WDR53: variants seen among roughly 807,000 people sequenced by gnomAD.
The protein encoded by WDR53 is WD repeat-containing protein 53.
Under a neutral mutation model 21.3 loss-of-function variants are expected in WDR53, and 19 were observed. The observed-to-expected ratio is 0.89, with a 90% CI of 0.62 to 1.31. WDR53 has a LOEUF of 1.31. Ranked by LOEUF, WDR53 falls within the 50% of genes most tolerant of loss-of-function variation. The pLI is 0.00. For missense variants in WDR53, 374 were observed against 423.2 expected, an observed-to-expected ratio of 0.88 and a Z score of 1.02; for synonymous variants, 157 against 163.4, an observed-to-expected ratio of 0.96 and a Z score of 0.30.
At chr3:196,561,668 T>C (rs1454412787) in intron 2 of WDR53, among the ~76,000 whole-genome samples, 177 bp from the exon 3 acceptor site, 1 of 151,856 alleles carries the variant, frequency 6.6e-6, no homozygotes, top group Non-Finnish European at 1.5e-5. Flanking sequence ...AAAGCCTAGC[T>C]GAACACAGGG....
chr3:196,561,250 T>C lies in WDR53; in HGVS notation c.226A>G (p.Ser76Gly). Reference protein sequence around the residue: ...KLYASHGETISVLDVRSLKDS... With the variant: ...KLYASHGETIGVLDVRSLKDS... ...TTGAGGGACCTGACATCCAGTACAC[T>C]AATGGTTTCTCCATGTGAGGCATAG... The change falls in exon 3 of 4, where the codon AGT becomes GGT. Residue 76 changes from serine to glycine, a missense_variant. Coordinates refer to ENST00000332629, the MANE Select transcript of WDR53 (RefSeq NM_182627.3). The C allele has an allele frequency of 6.2e-7, 1 of 1,614,232 alleles. No individual in the cohort carries two copies. Among genetic ancestry groups the C allele is most frequent in the East Asian group, 2.2e-5 (1 of 44,890 alleles).
At chr3:196,559,467 T>C (rs961533691) in intron 3 of WDR53, among the ~76,000 whole-genome samples, 3 of 152,204 alleles carry the variant, frequency 2.0e-5, no homozygotes. Flanking sequence ...TGAATACTGG[T>C]AGCTTGCAGG....
At position 196,554,445 on chromosome 3, in the gene WDR53, G is replaced by A; in HGVS notation, c.843C>T (p.Pro281=). The change falls in exon 4 of 4, where the codon CCC becomes CCT. Residue 281 remains proline, a synonymous_variant. Coordinates refer to ENST00000332629, the MANE Select transcript of WDR53 (RefSeq NM_182627.3). The part of the protein sequence containing the change: ...NSEVEKKQKS[P]TKRTHRKKPK... ...GTTTCTTCCTGTGGGTACGTTTTGTGGGACTCTTCTGTTTTTTCTCAACTT... is the reference window on the plus strand; with the variant it reads ...GTTTCTTCCTGTGGGTACGTTTTGTAGGACTCTTCTGTTTTTTCTCAACTT... 6.2e-7 allele frequency: 1 copy of A among 1,614,080 alleles called. No individual in the cohort carries two copies. Among genetic ancestry groups the A allele is most frequent in the South Asian group, 1.1e-5 (1 of 91,082 alleles).
chr3:196,557,588 T>C (rs1278032038), intron 3 of WDR53, among the ~76,000 whole-genome samples: 1 of 152,180 alleles, frequency 6.6e-6, no homozygotes, highest in Non-Finnish European at 1.5e-5. Context: ...CTGTAAGTGT[T>C]GGGATTTTGG....
Position 196,567,007 on chromosome 3 carries a change from T to TAA in WDR53, c.-149_-148dup. On this transcript the variant is annotated 5_prime_UTR_variant, in exon 2 of 4. An upstream open reading frame in the 5' UTR loses its in-frame stop. Coordinates refer to ENST00000332629, the MANE Select transcript of WDR53 (RefSeq NM_182627.3). ...CTGCCTCGGCTGCACTGAGACACGA[T>TAA]AAAGGCCAGTCTTTAAAAACTGAGT... is the stretch of plus-strand genomic sequence containing the variant. 1.2e-5 allele frequency: 4 copies of TAA among 335,596 alleles called. No individual in the cohort carries two copies. The highest frequency in any genetic ancestry group is 9.2e-5 in the South Asian group (4 of 43,386). 20.8% of individuals were successfully genotyped at this position (335,596 alleles called of 1,614,324 possible).
At chr3:196,557,097 G>A (rs1165614606) in intron 3 of WDR53, among the ~76,000 whole-genome samples, 2 of 152,208 alleles carry the variant, frequency 1.3e-5, no homozygotes, top group African/African-American at 4.8e-5. Flanking sequence ...AAGAGTTTGG[G>A]GCTTATGGTT....
intron 3 of WDR53, among the ~76,000 whole-genome samples, chr3:196,560,039 G>A (rs1001148739): frequency 3.3e-5 from 5 of 152,120 alleles, no homozygotes; most frequent in African/African-American, 7.2e-5. Context: ...CCATGGGAAC[G>A]TTCAAGCTAT....
At chr3:196,559,958 C>G (rs1734668862) in intron 3 of WDR53, among the ~76,000 whole-genome samples, 1 of 152,122 alleles carries the variant, frequency 6.6e-6, no homozygotes, top group Non-Finnish European at 1.5e-5. Context: ...GAACTAAGTG[C>G]TCAACAGACA....
chr3:196,564,299 A>G (rs1735159705), intron 2 of WDR53, among the ~76,000 whole-genome samples: 1 of 152,200 alleles, frequency 6.6e-6, no homozygotes, highest in African/African-American at 2.4e-5. Flanking sequence ...TTACCTCATG[A>G]TAAAGATGCT....
At chr3:196,559,428 A>G (rs1734619214) in intron 3 of WDR53, among the ~76,000 whole-genome samples, 1 of 152,182 alleles carries the variant, frequency 6.6e-6, no homozygotes, top group African/African-American at 2.4e-5. Flanking sequence ...CTATCCCAGC[A>G]CTGCAGGACA....
intron 2 of WDR53, among the ~76,000 whole-genome samples, chr3:196,562,176 C>T (rs1328614411): frequency 6.6e-6 from 1 of 152,196 alleles, no homozygotes; most frequent in African/African-American, 2.4e-5. Context: ...AGGAACTTGT[C>T]AGAAATGCAA....
intron 2 of WDR53, among the ~76,000 whole-genome samples, chr3:196,566,666 G>A (rs565115889): frequency 2.0e-5 from 3 of 152,146 alleles, no homozygotes; most frequent in Admixed American, 1.3e-4. Context: ...CGCCCGCTTC[G>A]GCCTCCCAAA....
At position 196,565,702 on chromosome 3, in the gene WDR53, T is replaced by C. The variant is rs11922462; in HGVS notation, c.-17+1175A>G. On this transcript the variant is annotated intron_variant, in intron 2 of 3. Transcript: ENST00000332629. ...CCTCCAAAATTGTTTACTTAGTCTA[T>C]AAAACTAAAATGATTTGTTATTATT... Among the ~76,000 whole-genome samples the C allele has an allele frequency of 8.3e-3, 1,259 of 152,312 alleles. 9 individuals are homozygous for C. The highest frequency in any genetic ancestry group is 0.028 in the African/African-American group (1,179 of 41,564).
chr3:196,556,062 T>A (rs1002676699), intron 3 of WDR53, among the ~76,000 whole-genome samples: 7 of 152,068 alleles, frequency 4.6e-5, no homozygotes, highest in Non-Finnish European at 2.9e-5. Context: ...GTTTTTTTTT[T>A]AAAAATAGGG....
At chr3:196,563,046 G>A (rs1355950464) in intron 2 of WDR53, among the ~76,000 whole-genome samples, 1 of 152,072 alleles carries the variant, frequency 6.6e-6, no homozygotes, top group Non-Finnish European at 1.5e-5. Flanking sequence ...GTCTCCCTAT[G>A]TTGCCCAGGC....
rs945349241 is a variant in WDR53, at chr3:196,563,107, C to T, written c.-16-1616G>A. On this transcript the variant is annotated intron_variant, in intron 2 of 3. Transcript: ENST00000332629. The stretch of plus-strand genomic sequence containing the variant: ...CTTTTCTAACAACTCCACCTGACAA[C>T]AGTTTTGTTATTATTCTTTGAAGAA... 2.0e-5 allele frequency among the ~76,000 whole-genome samples: 3 copies of T among 152,174 alleles called. No individual in the cohort carries two copies. In the South Asian group the frequency reaches 6.2e-4, roughly 32 times the overall value.
At chr3:196,563,617 G>A (rs999475655) in intron 2 of WDR53, among the ~76,000 whole-genome samples, 6 of 150,970 alleles carry the variant, frequency 4.0e-5, no homozygotes, top group Non-Finnish European at 7.4e-5. Context: ...TGTCGCCCAG[G>A]TTGGAGTGCA....
In WDR53 at chr3:196,554,720, A is replaced by G; in HGVS notation, c.568T>C (p.Ser190Pro). The change falls in exon 4 of 4, where the codon TCA (serine) becomes CCA (proline). Residue 190 changes from serine to proline, a missense_variant. Coordinates refer to ENST00000332629, the MANE Select transcript of WDR53 (RefSeq NM_182627.3). The stretch of plus-strand genomic sequence containing the variant: ...GCAGGGTTTAAGAGCTGACCAGGTG[A>G]CTGTGGGCCTTCCATTTCTTCTGTT... ...DETEEMEGPQ[S>P]PGQLLNPALA... 1 of 1,614,182 alleles carries G rather than the reference A, an allele frequency of 6.2e-7. No homozygotes were observed. The highest frequency in any genetic ancestry group is 8.5e-7 in the Non-Finnish European group (1 of 1,180,010).
At chr3:196,557,057 G>A (rs1020658543) in intron 3 of WDR53, among the ~76,000 whole-genome samples, 1 of 149,896 alleles carries the variant, frequency 6.7e-6, no homozygotes, top group African/African-American at 2.5e-5. Flanking sequence ...TCCTAATCAA[G>A]AGAGCTAGAG....
Sources: gnomAD v4.1 joint callset for allele counts (sites outside exome capture counted in the v4.1 genomes callset) on GRCh38, gnomAD v4.1.1 for gene constraint, MANE v1.5 for transcripts, NCBI Gene and HGNC (gene_info 2026-07-23, HGNC 2026-07-21) for gene names.